The following ST6GALNAC5 variants were observed in gnomAD, a reference collection of about 807,000 sequenced individuals.
ST6GALNAC5 encodes the protein ST6 N-acetylgalactosaminide alpha-2,6-sialyltransferase 5, also known as alpha-N-acetylgalactosaminide alpha-2,6-sialyltransferase 5.
ST6GALNAC5 carries 27 observed loss-of-function variants against 33.6 expected under a neutral mutation model. That is an observed-to-expected ratio of 0.80 (90% confidence interval 0.59 to 1.11). The LOEUF is 1.11. ST6GALNAC5 is among the 50% of genes least tolerant of loss of function. ST6GALNAC5 has a pLI of 0.00. For synonymous variants in ST6GALNAC5, 194 were observed against 171.2 expected, an observed-to-expected ratio of 1.13 and a Z score of -1.04; for missense variants, 428 against 454.0, an observed-to-expected ratio of 0.94 and a Z score of 0.52.
At chr1:76,977,027 C>T (rs1649037271) in intron 2 of ST6GALNAC5, among the ~76,000 whole-genome samples, 1 of 152,046 alleles carries the variant, frequency 6.6e-6, no homozygotes, top group South Asian at 2.1e-4. Context: ...ACATTGCTGG[C>T]CCCTACTTTG....
In ST6GALNAC5 at chr1:77,063,457, C is replaced by A. The variant is rs569579663; in HGVS notation, c.*251C>A. On this transcript the variant is annotated 3_prime_UTR_variant, in exon 5 of 5. Coordinates refer to ENST00000477717, the MANE Select transcript of ST6GALNAC5 (RefSeq NM_030965.3). ...TACCTTAGGAGCTGAACATTCAATT[C>A]AGTTACACCACTATGACTAAAAACA... The A allele has an allele frequency of 2.0e-6, 1 of 489,372 alleles. No homozygotes were observed. The highest frequency in any genetic ancestry group is 1.9e-5 in the African/African-American group (1 of 52,150). The allele number at this position is 489,372 out of a possible 1,614,324, so 30.3% of individuals were successfully genotyped here.
chr1:76,973,290 G>A (rs1439591661), intron 2 of ST6GALNAC5, among the ~76,000 whole-genome samples: 1 of 151,970 alleles, frequency 6.6e-6, no homozygotes, highest in Admixed American at 6.6e-5. Context: ...CAATTAAGGA[G>A]TTTGGAAAGG....
At chr1:76,991,258 A>G (rs1649717737) in intron 2 of ST6GALNAC5, among the ~76,000 whole-genome samples, 1 of 152,186 alleles carries the variant, frequency 6.6e-6, no homozygotes, top group Non-Finnish European at 1.5e-5. Flanking sequence ...TTTATTCTGT[A>G]CCAAACATTG....
intron 2 of ST6GALNAC5, among the ~76,000 whole-genome samples, chr1:76,918,872 T>C (rs1647003331): frequency 6.6e-6 from 1 of 152,184 alleles, no homozygotes; most frequent in Non-Finnish European, 1.5e-5. Context: ...TTGTAAGGAC[T>C]GTATTCTATC....
intron 2 of ST6GALNAC5, among the ~76,000 whole-genome samples, chr1:76,885,716 C>T (rs1653877564): frequency 6.6e-6 from 1 of 152,230 alleles, no homozygotes; most frequent in South Asian, 2.1e-4. Context: ...ATTCATCCCT[C>T]TAGTAGCTTA....
chr1:76,903,442 A>G (rs982669839), intron 2 of ST6GALNAC5, among the ~76,000 whole-genome samples: 4 of 152,190 alleles, frequency 2.6e-5, no homozygotes, highest in African/African-American at 9.6e-5. Flanking sequence ...GTGAAAATGT[A>G]AAATGATGCT....
At chr1:76,969,032 C>G (rs1344854355) in intron 2 of ST6GALNAC5, among the ~76,000 whole-genome samples, 1 of 152,088 alleles carries the variant, frequency 6.6e-6, no homozygotes, top group East Asian at 1.9e-4. Flanking sequence ...TCATTTCAAC[C>G]TTGGAGAATC....
At chr1:76,935,461 C>T (rs12734482) in intron 2 of ST6GALNAC5, among the ~76,000 whole-genome samples, 48,825 of 151,784 alleles carry the variant, frequency 0.32, 9,608 homozygotes, top group Non-Finnish European at 0.43. Context: ...TCAGTGAGTA[C>T]GTCAGAGCAT....
chr1:76,998,174 G>A (rs997146586), intron 2 of ST6GALNAC5, among the ~76,000 whole-genome samples: 2 of 152,072 alleles, frequency 1.3e-5, no homozygotes, highest in African/African-American at 4.8e-5. Flanking sequence ...CATGAAAACA[G>A]ACTAATACAG....
rs564781686 is a variant in ST6GALNAC5, at chr1:77,005,094, G to A, written c.262-39110G>A. Among the ~76,000 whole-genome samples the A allele has an allele frequency of 6.8e-4, 104 of 151,950 alleles. 1 individual carries two copies. In the South Asian group the frequency reaches 0.011, roughly 16 times the overall value. ...TGGCGGGCGCCCCTCCCCCAGCCTC[G>A]CTGCCACCTTGCAGTTTGATCTCAG... On this transcript the variant is annotated intron_variant, in intron 2 of 4. Coordinates refer to ENST00000477717, the MANE Select transcript of ST6GALNAC5 (RefSeq NM_030965.3).
intron 2 of ST6GALNAC5, among the ~76,000 whole-genome samples, chr1:76,992,216 G>T (rs1392597007): frequency 2.0e-5 from 3 of 152,040 alleles, no homozygotes; most frequent in African/African-American, 7.2e-5. Context: ...GCTATTTCTT[G>T]AATGAGTAAC....
At chr1:77,025,468 C>T (rs1318034244) in intron 2 of ST6GALNAC5, among the ~76,000 whole-genome samples, 9 of 149,182 alleles carry the variant, frequency 6.0e-5, no homozygotes, top group South Asian at 2.1e-4. Context: ...TGCAGTGAGC[C>T]GAGATCACAC....
At chr1:76,870,171 G>A (rs1434587898) in intron 2 of ST6GALNAC5, among the ~76,000 whole-genome samples, 5 of 152,120 alleles carry the variant, frequency 3.3e-5, no homozygotes, top group South Asian at 2.1e-4. Flanking sequence ...TTTTGTTTCC[G>A]CTCTTAGTTG....
At chr1:76,936,992 G>GTGTGTGTGTGTGTGTA (rs1647213748) in intron 2 of ST6GALNAC5, among the ~76,000 whole-genome samples, 1 of 150,966 alleles carries the variant, frequency 6.6e-6, no homozygotes, top group South Asian at 2.1e-4. Flanking sequence ...GTGTGTGTAT[G>GTGTGTGTGTGTGTGTA]TGTTAGAAAG....
intron 2 of ST6GALNAC5, among the ~76,000 whole-genome samples, chr1:76,995,124 G>T (rs181582313): frequency 1.3e-5 from 2 of 152,206 alleles, no homozygotes; most frequent in African/African-American, 2.4e-5. Context: ...TTGGCTGGGC[G>T]CAGTGGCTCA....
At chr1:77,030,890 T>A (rs1256140092) in intron 2 of ST6GALNAC5, among the ~76,000 whole-genome samples, 1 of 152,382 alleles carries the variant, frequency 6.6e-6, no homozygotes, top group East Asian at 1.9e-4. Context: ...GCCAGGAATC[T>A]GCTTCTTGTA....
chr1:77,048,479 T>A (rs1652089670), intron 3 of ST6GALNAC5, among the ~76,000 whole-genome samples: 1 of 152,224 alleles, frequency 6.6e-6, no homozygotes, highest in Admixed American at 6.5e-5. Context: ...TCTTACCCTT[T>A]GCCATTCAGT....
At chr1:76,936,548 T>G (rs1647205155) in intron 2 of ST6GALNAC5, among the ~76,000 whole-genome samples, 1 of 152,036 alleles carries the variant, frequency 6.6e-6, no homozygotes, top group African/African-American at 2.4e-5. Flanking sequence ...ATGGGCCAGT[T>G]TCACAGAAGG....
intron 3 of ST6GALNAC5, among the ~76,000 whole-genome samples, chr1:77,049,390 G>A (rs1652136942): frequency 6.6e-6 from 1 of 152,112 alleles, no homozygotes; most frequent in Admixed American, 6.6e-5. Context: ...AGTAAAAGCA[G>A]CAACCCCCGA....
Sources: allele counts gnomAD v4.1 joint callset (sites outside exome capture counted in the v4.1 genomes callset), GRCh38; gene constraint gnomAD v4.1.1; transcripts MANE v1.5; gene names NCBI Gene and HGNC (gene_info 2026-07-23, HGNC 2026-07-21).